PPFIBP2: variants seen among roughly 807,000 people sequenced by gnomAD.
PPFIBP2 encodes liprin-beta-2.
In PPFIBP2, 118 loss-of-function variants were observed where a neutral mutation model predicts 118.3. The ratio of observed to expected loss-of-function variants is 1.00; its 90% CI spans 0.86 to 1.16. The LOEUF is 1.16. Among genes scored for constraint, PPFIBP2 ranks in the 50% most tolerant of loss-of-function variants. PPFIBP2 has a pLI of 0.00. For missense variants in PPFIBP2, 1,195 were observed against 1,073.1 expected, an observed-to-expected ratio of 1.11 and a Z score of -1.59; for synonymous variants, 414 against 397.4, an observed-to-expected ratio of 1.04 and a Z score of -0.50.
chr11:7,614,115 G>A (rs1848369508), intron 6 of PPFIBP2, among the ~76,000 whole-genome samples: 1 of 152,028 alleles, frequency 6.6e-6, no homozygotes, highest in East Asian at 1.9e-4. Context: ...GGCCTAATAG[G>A]AGAGTTTTTT....
chr11:7,565,887 C>T, intron 3 of PPFIBP2, 120 bp downstream of exon 3: 1 of 1,132,964 alleles, frequency 8.8e-7, no homozygotes, highest in Non-Finnish European at 1.2e-6. Context: ...TTTCTTCCAT[C>T]CCACTTTGGC....
At chr11:7,602,120 A>G (rs371287575) in intron 5 of PPFIBP2, among the ~76,000 whole-genome samples, 1 of 148,880 alleles carries the variant, frequency 6.7e-6, no homozygotes, top group Non-Finnish European at 1.5e-5. Flanking sequence ...AAGAAGAGTC[A>G]TTTCTCAAAA....
At chr11:7,662,885 C>T in the PPFIBP2 span, among the ~76,000 whole-genome samples, 1 of 143,576 alleles carries the variant, frequency 7.0e-6, no homozygotes, top group African/African-American at 2.4e-5. Context: ...CTTCTCGCTT[C>T]ATTTCTTTTA....
intron 6 of PPFIBP2, among the ~76,000 whole-genome samples, chr11:7,614,870 G>A (rs1848454985): frequency 6.6e-6 from 1 of 152,144 alleles, no homozygotes; most frequent in Admixed American, 6.5e-5. Flanking sequence ...GGCAAAGTGT[G>A]ATTAAAAAAC....
chr11:7,624,630 C>T (rs1197399605), intron 7 of PPFIBP2, among the ~76,000 whole-genome samples: 1 of 152,246 alleles, frequency 6.6e-6, no homozygotes, highest in African/African-American at 2.4e-5. Flanking sequence ...TATTGACCGG[C>T]TCCACGGTCG....
chr11:7,544,408 T>C (rs1035651196), intron 1 of PPFIBP2, among the ~76,000 whole-genome samples: 14 of 152,144 alleles, frequency 9.2e-5, no homozygotes, highest in African/African-American at 3.4e-4. Context: ...CCATGGCACA[T>C]TGTTGATTCC....
intron 22 of PPFIBP2, 51 bp downstream of exon 22, chr11:7,651,016 C>A: frequency 6.4e-7 from 1 of 1,573,992 alleles, no homozygotes; most frequent in South Asian, 1.2e-5. Flanking sequence ...ATGGGATATT[C>A]AGAAACTTAT....
intron 11 of PPFIBP2, chr11:7,632,611 C>T (rs141943895): frequency 1.8e-4 from 64 of 350,080 alleles, no homozygotes; most frequent in Admixed American, 2.6e-4. Flanking sequence ...GGTCTCAGGA[C>T]TGTACTACTG....
intron 3 of PPFIBP2, among the ~76,000 whole-genome samples, chr11:7,590,960 T>G (rs1308511022): frequency 6.6e-6 from 1 of 152,220 alleles, no homozygotes; most frequent in African/African-American, 2.4e-5. Flanking sequence ...TTTACCATAC[T>G]GATCTGCGGA....
downstream of PPFIBP2, among the ~76,000 whole-genome samples, chr11:7,655,184 C>T (rs2136067543): frequency 6.6e-6 from 1 of 152,176 alleles, no homozygotes; most frequent in East Asian, 1.9e-4. Flanking sequence ...CCCTGAATGC[C>T]AGTTCCCAGT....
At chr11:7,522,210 C>A (rs1849817700) in intron 1 of PPFIBP2, among the ~76,000 whole-genome samples, 1 of 152,074 alleles carries the variant, frequency 6.6e-6, no homozygotes, top group African/African-American at 2.4e-5. Flanking sequence ...AGGCAAGTGA[C>A]CATGCCAAGA....
downstream of PPFIBP2, among the ~76,000 whole-genome samples, chr11:7,657,971 C>T (rs576587846): frequency 2.0e-5 from 3 of 152,328 alleles, no homozygotes; most frequent in East Asian, 5.8e-4. Context: ...CCCACTCCTT[C>T]GCATGTGTGT....
At chr11:7,597,330 C>G (rs150661632) in intron 4 of PPFIBP2, 52 of 1,535,564 alleles carry the variant, frequency 3.4e-5, no homozygotes, top group Non-Finnish European at 2.1e-5. Context: ...GAGCAGTAAA[C>G]GTGACCCATG....
intron 5 of PPFIBP2, among the ~76,000 whole-genome samples, chr11:7,609,013 T>C (rs946347773): frequency 1.3e-5 from 2 of 152,228 alleles, no homozygotes; most frequent in Non-Finnish European, 2.9e-5. Context: ...GAGCTCATTA[T>C]GCTGAGTTGC....
intron 1 of PPFIBP2, among the ~76,000 whole-genome samples, chr11:7,529,256 G>A (rs1349985050): frequency 1.3e-5 from 2 of 152,174 alleles, no homozygotes; most frequent in African/African-American, 4.8e-5. Flanking sequence ...GTCCTCAAAT[G>A]TTATGATTTA....
Position 7,565,553 on chromosome 11 carries a change from G to T in PPFIBP2, c.65G>T (p.Gly22Val). 1 of 1,614,078 alleles carries T rather than the reference G, an allele frequency of 6.2e-7. No individual in the cohort carries two copies. The highest frequency in any genetic ancestry group is 8.5e-7 in the Non-Finnish European group (1 of 1,179,956). Residue 22 changes from glycine to valine, a missense_variant and splice_region_variant, in exon 3 of 24, where the codon GGC becomes GTC. Coordinates refer to ENST00000299492, the MANE Select transcript of PPFIBP2 (RefSeq NM_003621.5). Reference sequence around the variant, plus strand: ...AGTTTTCACCTCTCTCTCATTGCAGGCACTAAAACAGGTGCAGATCTTAGT... The same window carrying T: ...AGTTTTCACCTCTCTCTCATTGCAGTCACTAAAACAGGTGCAGATCTTAGT... Reference protein sequence around the residue: ...ALEQMDGIIAGTKTGADLSDG... With the variant: ...ALEQMDGIIAVTKTGADLSDG...
chr11:7,637,428 T>C (rs533266120), intron 14 of PPFIBP2, among the ~76,000 whole-genome samples: 1 of 152,332 alleles, frequency 6.6e-6, no homozygotes, highest in East Asian at 1.9e-4. Flanking sequence ...TGTTATTTCC[T>C]GGCAAACCTG....
rs559704387 is a variant in PPFIBP2, at chr11:7,624,126, C to T, written c.712-1651C>T. On this transcript the variant is annotated intron_variant, in intron 7 of 23. Transcript: ENST00000299492. The stretch of plus-strand genomic sequence containing the variant: ...AGGGAAGGTTATTCAGAAACCCTTG[C>T]GGTGGGCTGAGGGAGCCCAAGCCTG... Among the ~76,000 whole-genome samples the T allele has an allele frequency of 2.6e-5, 4 of 152,286 alleles. No homozygotes were observed. In the East Asian group the frequency reaches 5.8e-4, roughly 22 times the overall value.
intron 1 of PPFIBP2, among the ~76,000 whole-genome samples, chr11:7,534,614 G>A (rs1448637118): frequency 6.6e-6 from 1 of 152,174 alleles, no homozygotes; most frequent in Non-Finnish European, 1.5e-5. Context: ...CCTGTCAGGG[G>A]CATGAGGCTC....
Sources: gnomAD v4.1 joint callset for allele counts (sites outside exome capture counted in the v4.1 genomes callset) on GRCh38, gnomAD v4.1.1 for gene constraint, MANE v1.5 for transcripts, NCBI Gene and HGNC (gene_info 2026-07-23, HGNC 2026-07-21) for gene names.